PTPRN2: variants seen among roughly 807,000 people sequenced by gnomAD.
PTPRN2 encodes the protein receptor-type tyrosine-protein phosphatase N2.
In PTPRN2, 74 loss-of-function variants were observed where a neutral mutation model predicts 118.8. The observed-to-expected ratio is 0.62, with a 90% confidence interval of 0.52 to 0.76. The LOEUF (loss-of-function observed/expected upper bound fraction) is 0.76. PTPRN2 is among the 30% of genes least tolerant of loss of function. PTPRN2 has a pLI of 0.00. For missense variants in PTPRN2, 1,481 were observed against 1,394.4 expected, an observed-to-expected ratio of 1.06 and a Z score of -0.99; for synonymous variants, 641 against 608.0, an observed-to-expected ratio of 1.05 and a Z score of -0.80.
In PTPRN2 at chr7:158,364,303, G is replaced by A. The variant is rs1431859781; in HGVS notation, c.164-47371C>T. 2.0e-5 allele frequency among the ~76,000 whole-genome samples: 3 copies of A among 148,160 alleles called. No homozygotes were observed. The East Asian group carries it at 6.1e-4, about 30-fold the overall frequency. The stretch of plus-strand genomic sequence containing the variant: ...CCTGCCTCTCGCCATGCTTCCCACA[G>A]CAGGGTCTGCAGAGCCCCCATCCTC... On this transcript the variant is annotated intron_variant, in intron 2 of 22. Transcript: ENST00000389418.
Position 158,198,286 on chromosome 7 carries a change from A to G in PTPRN2, c.381-5791T>C, listed in dbSNP as rs74990416. On this transcript the variant is annotated intron_variant, in intron 4 of 22. Transcript: ENST00000389418. ...TTATCATTATGCCGCGTGGTGTTGT[A>G]GCAATTAACTTGCACATTGACTTTT... Among the ~76,000 whole-genome samples, 1,544 of 152,316 alleles carry G rather than the reference A, an allele frequency of 0.01. 88 individuals are homozygous for G. The East Asian group carries it at 0.18, about 17-fold the overall frequency.
rs191907036 is a variant in PTPRN2, at chr7:158,136,458, G to T, written c.1173+197C>A. On this transcript the variant is annotated intron_variant, in intron 8 of 22. Coordinates refer to ENST00000389418, the MANE Select transcript of PTPRN2 (RefSeq NM_002847.5). ...GATAAATTAGGTTATAATTTGAAAAGAGATATTTCGTATCCAAATATACAC... is the reference window on the plus strand; with the variant it reads ...GATAAATTAGGTTATAATTTGAAAATAGATATTTCGTATCCAAATATACAC... Among the ~76,000 whole-genome samples the T allele has an allele frequency of 1.3e-3, 192 of 152,288 alleles. 1 individual carries two copies. Among genetic ancestry groups the T allele is most frequent in the African/African-American group, 4.0e-3 (167 of 41,554 alleles).
At chr7:158,449,391 G>A (rs139002383) in intron 2 of PTPRN2, among the ~76,000 whole-genome samples, 12 of 152,352 alleles carry the variant, frequency 7.9e-5, no homozygotes, top group African/African-American at 1.9e-4. Context: ...CAGTTTGCTC[G>A]AAGAGTGGAG....
intron 12 of PTPRN2, among the ~76,000 whole-genome samples, chr7:157,776,874 TCCCTCTCCTCCTCCA>T (rs1803352613): frequency 7.2e-5 from 7 of 97,462 alleles, no homozygotes; most frequent in African/African-American, 2.5e-4. Context: ...CTCCTCCTCC[TCCCTCTCCTCCTCCA>T]TCTCCTCCTC....
intron 14 of PTPRN2, among the ~76,000 whole-genome samples, chr7:157,624,066 G>T (rs1315703719): frequency 6.6e-6 from 1 of 152,098 alleles, no homozygotes; most frequent in Non-Finnish European, 1.5e-5. Context: ...GGTACCACGG[G>T]AGCTTAGTAC....
At chr7:158,404,274 G>A (rs748213390) in intron 2 of PTPRN2, among the ~76,000 whole-genome samples, 3 of 152,246 alleles carry the variant, frequency 2.0e-5, no homozygotes, top group Non-Finnish European at 4.4e-5. Context: ...CACGTGGGAA[G>A]ACGTCAGACC....
intron 20 of PTPRN2, among the ~76,000 whole-genome samples, chr7:157,570,386 C>T (rs1217029677): frequency 2.0e-5 from 3 of 152,256 alleles, no homozygotes; most frequent in Non-Finnish European, 4.4e-5. Flanking sequence ...TATTTTCATC[C>T]TCCTCTCTCA....
At chr7:158,257,616 T>C (rs550514185) in intron 3 of PTPRN2, among the ~76,000 whole-genome samples, 1 of 152,154 alleles carries the variant, frequency 6.6e-6, no homozygotes, top group Non-Finnish European at 1.5e-5. Flanking sequence ...GCGAGAAATG[T>C]CTGAGCCCCC....
rs117167433 is a variant in PTPRN2, at chr7:157,738,685, T to C, written c.1789-55748A>G. On this transcript the variant is annotated intron_variant, in intron 12 of 22. Coordinates refer to ENST00000389418, the MANE Select transcript of PTPRN2 (RefSeq NM_002847.5). ...GGCTCATCACAGGAGAAATCAGAGC[T>C]CTGTGCTGTTGTTTCTGGATACGTG... Among the ~76,000 whole-genome samples the C allele has an allele frequency of 5.2e-3, 796 of 152,330 alleles. 16 individuals carry two copies. The highest frequency in any genetic ancestry group is 0.049 in the East Asian group (253 of 5,182).
At position 158,205,161 on chromosome 7, in the gene PTPRN2, C is replaced by T; in HGVS notation, c.380+10G>A. ...GGGAGCAAGGAGCAACAAGCCACGT[C>T]CACACTTACCTGGCTGGGCTGGATG... On this transcript the variant is annotated intron_variant, in intron 4 of 22. Transcript: ENST00000389418. 1 of 1,606,156 alleles carries T rather than the reference C, an allele frequency of 6.2e-7. No homozygotes were observed. The highest frequency in any genetic ancestry group is 8.5e-7 in the Non-Finnish European group (1 of 1,172,732).
At chr7:158,507,727 T>C (rs1822861937) in intron 1 of PTPRN2, among the ~76,000 whole-genome samples, 1 of 149,094 alleles carries the variant, frequency 6.7e-6, no homozygotes, top group African/African-American at 2.5e-5. Context: ...GTGAGGAATA[T>C]CCAGGGGACA....
chr7:158,311,986 C>G (rs1801798491), intron 3 of PTPRN2, among the ~76,000 whole-genome samples: 1 of 151,168 alleles, frequency 6.6e-6, no homozygotes, highest in Non-Finnish European at 1.5e-5. Context: ...CATGTAGACA[C>G]CCACACACAT....
At position 157,587,968 on chromosome 7, in the gene PTPRN2, G is replaced by A. The variant is rs551175928; in HGVS notation, c.2496+7270C>T. Among the ~76,000 whole-genome samples, 2 of 151,014 alleles carry A rather than the reference G, an allele frequency of 1.3e-5. No individual in the cohort carries two copies. Among genetic ancestry groups the A allele is most frequent in the East Asian group, 2.0e-4 (1 of 5,098 alleles). ...GGGCTCCCGCGGTGGCTGTCCCCGT[G>A]CCTGGGCTCCCGCGGTGGCTGTCCC... On this transcript the variant is annotated intron_variant, in intron 17 of 22. Transcript: ENST00000389418. The surrounding 1 kb of genome is among the most constrained non-coding windows in gnomAD (Gnocchi z 5.3).
chr7:158,279,066 CA>C (rs1225207436), intron 3 of PTPRN2, among the ~76,000 whole-genome samples: 1 of 152,134 alleles, frequency 6.6e-6, no homozygotes, highest in African/African-American at 2.4e-5. Context: ...CTGTGAACAG[CA>C]AAAAAACAAA....
chr7:157,704,900 G>A (rs774969113), intron 12 of PTPRN2, among the ~76,000 whole-genome samples: 8 of 152,238 alleles, frequency 5.3e-5, no homozygotes, highest in Non-Finnish European at 1.0e-4. Flanking sequence ...AAACCCTCAT[G>A]AAATGACAGT....
At chr7:158,380,853 A>G (rs1265277855) in intron 2 of PTPRN2, among the ~76,000 whole-genome samples, 1 of 152,140 alleles carries the variant, frequency 6.6e-6, no homozygotes, top group Non-Finnish European at 1.5e-5. Flanking sequence ...AGGTTCCCAA[A>G]CCCCAGTACT....
chr7:157,838,903 C>T (rs1808168437), intron 12 of PTPRN2, among the ~76,000 whole-genome samples: 1 of 122,836 alleles, frequency 8.1e-6, no homozygotes, highest in Non-Finnish European at 1.6e-5. Context: ...TACTCCAGTT[C>T]CTCTCGTAGT....
intron 11 of PTPRN2, among the ~76,000 whole-genome samples, chr7:157,925,039 G>C (rs1169767870): frequency 1.4e-4 from 12 of 83,626 alleles, no homozygotes; most frequent in Non-Finnish European, 2.1e-4. Context: ...CATTTAGCAC[G>C]TCAGGCAAAT....
intron 2 of PTPRN2, among the ~76,000 whole-genome samples, chr7:158,416,883 T>C (rs1292958883): frequency 3.3e-5 from 5 of 152,220 alleles, no homozygotes; most frequent in African/African-American, 2.4e-5. Context: ...CACCACAAAA[T>C]GGCAAAGCAC....
Sources: gnomAD v4.1 joint callset for allele counts (sites outside exome capture counted in the v4.1 genomes callset) on GRCh38, gnomAD v4.1.1 for gene constraint, Gnocchi (gnomAD v3.1) non-coding constraint, MANE v1.5 for transcripts, NCBI Gene and HGNC (gene_info 2026-07-23, HGNC 2026-07-21) for gene names.